CDK12: variants seen among roughly 807,000 people sequenced by gnomAD.
CDK12 encodes cyclin dependent kinase 12.
In CDK12, 17 loss-of-function variants were observed where a neutral mutation model predicts 133.8. The ratio of observed to expected loss-of-function variants is 0.13; its 90% CI spans 0.09 to 0.19. The LOEUF (loss-of-function observed/expected upper bound fraction) is 0.19, where lower values mean the gene tolerates loss of function less well. Ranked by LOEUF, CDK12 falls within the 10% of genes least tolerant of loss-of-function variation. The pLI is 1.00. For synonymous variants in CDK12, 694 were observed against 683.6 expected, an observed-to-expected ratio of 1.02 and a Z score of -0.24; for missense variants, 1,508 against 1,818.7, an observed-to-expected ratio of 0.83 and a Z score of 3.11.
intron 2 of CDK12, among the ~76,000 whole-genome samples, chr17:39,551,403 A>G (rs1430406287): frequency 6.6e-6 from 1 of 152,102 alleles, no homozygotes; most frequent in Non-Finnish European, 1.5e-5. Context: ...ACCATGTCTT[A>G]TAAGATCTAC....
At chr17:39,510,381 A>T (rs148495004) in intron 7 of CDK12, among the ~76,000 whole-genome samples, 413 of 152,098 alleles carry the variant, frequency 2.7e-3, no homozygotes, top group Non-Finnish European at 4.6e-3. Flanking sequence ...AGCTTCTCAG[A>T]GTGCTGGGAT....
In CDK12 at chr17:39,476,711, C is replaced by CTTTTTTTTTTTTTTT. The variant is rs879840168; in HGVS notation, c.1931+4963_1931+4977dup. Among the ~76,000 whole-genome samples the CTTTTTTTTTTTTTTT allele has an allele frequency of 4.9e-3, 410 of 84,482 alleles. 68 individuals carry two copies. The highest frequency in any genetic ancestry group is 5.8e-3 in the African/African-American group (101 of 17,558). 55.4% of individuals were successfully genotyped at this position (84,482 alleles called of 152,430 possible). A position where few individuals can be genotyped will look rare whatever the true frequency, so the allele number is the denominator to read the frequency against. ...TACAGGCATGAGCCACCATGCCTGC[C>CTTTTTTTTTTTTTTT]TTTTTTTTTTTTTTTTTTTTTTTTT... On this transcript the variant is annotated intron_variant, in intron 2 of 13. Coordinates refer to ENST00000447079, the MANE Select transcript of CDK12 (RefSeq NM_016507.4).
At chr17:39,510,599 T>G (rs192475642) in intron 7 of CDK12, among the ~76,000 whole-genome samples, 2 of 28,134 alleles carry the variant, frequency 7.1e-5, no homozygotes, top group East Asian at 5.0e-3. Context: ...TTTTTCTCTC[T>G]TCTCTTCTCT....
chr17:39,531,269 A>C lies in CDK12; in HGVS notation c.4426A>C (p.Thr1476Pro). The C allele has an allele frequency of 6.6e-7, 1 of 1,505,458 alleles. No homozygotes were observed. The highest frequency in any genetic ancestry group is 8.8e-7 in the Non-Finnish European group (1 of 1,130,360). 93.3% of individuals were successfully genotyped at this position (1,505,458 alleles called of 1,614,324 possible). Reference protein sequence around the residue: ...SAYGKLYRGPTRVPPRGGRGR... With the variant: ...SAYGKLYRGPPRVPPRGGRGR... ...TTATGGAAAACTCTATCGGGGGCCTACAAGAGTCCCACCAAGAGGGGGAAG... is the reference window on the plus strand; with the variant it reads ...TTATGGAAAACTCTATCGGGGGCCTCCAAGAGTCCCACCAAGAGGGGGAAG... The change falls in exon 14 of 14, where the codon ACA becomes CCA. Residue 1476 changes from threonine to proline, a missense_variant. Thr to Pro is a conservative substitution (Grantham distance 38). Coordinates refer to ENST00000447079, the MANE Select transcript of CDK12 (RefSeq NM_016507.4).
intron 5 of CDK12, among the ~76,000 whole-genome samples, chr17:39,499,310 C>T (rs1268166597): frequency 4.7e-5 from 7 of 147,866 alleles, no homozygotes; most frequent in Non-Finnish European, 7.4e-5. Context: ...TGGGTTCAAG[C>T]GATTGTCATG....
intron 1 of CDK12, among the ~76,000 whole-genome samples, chr17:39,465,661 G>A (rs1050282789): frequency 6.6e-6 from 1 of 151,852 alleles, no homozygotes; most frequent in Admixed American, 6.6e-5. Context: ...GCTAATTTTT[G>A]TGTTTTTTTA....
chr17:39,490,852 A>G, intron 3 of CDK12, 119 bp downstream of exon 3: 1 of 659,882 alleles, frequency 1.5e-6, no homozygotes, highest in Non-Finnish European at 2.3e-6. Flanking sequence ...GTCCCAAAGT[A>G]TTTTTTAATT....
chr17:39,500,613 G>A (rs1241122827), intron 5 of CDK12, among the ~76,000 whole-genome samples: 1 of 152,106 alleles, frequency 6.6e-6, no homozygotes, highest in Non-Finnish European at 1.5e-5. Flanking sequence ...AGTCTGGGTG[G>A]CAGAGTGAGA....
intron 2 of CDK12, among the ~76,000 whole-genome samples, chr17:39,477,141 C>T (rs2050275413): frequency 6.6e-6 from 1 of 151,970 alleles, no homozygotes; most frequent in Non-Finnish European, 1.5e-5. Context: ...CTGCCTCAGC[C>T]TCCTGAGTAG....
chr17:39,563,607 A>T (rs920954538), intron 3 of CDK12, among the ~76,000 whole-genome samples: 2 of 151,494 alleles, frequency 1.3e-5, no homozygotes, highest in African/African-American at 4.9e-5. Flanking sequence ...CATCTCCTTG[A>T]GCTCTCTGTG....
At chr17:39,566,872 G>A (rs1252364399), downstream of CDK12, 1 of 152,408 alleles carries the variant, frequency 6.6e-6, no homozygotes, top group African/African-American at 2.4e-5. Context: ...CAGCACAAAG[G>A]AGGAAGTAGG....
intron 2 of CDK12, among the ~76,000 whole-genome samples, chr17:39,555,968 A>C (rs548123782): frequency 1.8e-4 from 26 of 145,264 alleles, no homozygotes; most frequent in Non-Finnish European, 3.5e-4. Context: ...TGGGAGGTGG[A>C]GGTTGCAGTA....
At chr17:39,509,623 C>G (rs917012682) in intron 6 of CDK12, 82 bp from the exon 7 acceptor site, 4 of 867,760 alleles carry the variant, frequency 4.6e-6, no homozygotes, top group Non-Finnish European at 7.8e-6. Context: ...TTCCTTTACC[C>G]CTAACTTGGC....
At position 39,503,253 on chromosome 17, in the gene CDK12, A is replaced by G. The variant is rs1261334275; in HGVS notation, c.2609+1814A>G. Among the ~76,000 whole-genome samples the G allele has an allele frequency of 7.9e-5, 12 of 152,198 alleles. 1 individual carries two copies. In the East Asian group the frequency reaches 2.3e-3, roughly 29 times the overall value. The stretch of plus-strand genomic sequence containing the variant: ...ACGCCCAGCTAATTTTTCTATTTTT[A>G]GTAGAGACGGGATTTCACCATATTG... On this transcript the variant is annotated intron_variant, in intron 6 of 13. Coordinates refer to ENST00000447079, the MANE Select transcript of CDK12 (RefSeq NM_016507.4).
intron 1 of CDK12, among the ~76,000 whole-genome samples, chr17:39,465,421 G>T (rs1170518526): frequency 1.3e-5 from 2 of 150,840 alleles, no homozygotes; most frequent in Admixed American, 6.6e-5. Context: ...TTTTGGAGGG[G>T]TGAGGAGTAA....
chr17:39,533,565 A>G lies in CDK12; in HGVS notation c.*2249A>G. 1 of 233,246 alleles carries G rather than the reference A, an allele frequency of 4.3e-6. No individual in the cohort carries two copies. The highest frequency in any genetic ancestry group is 8.5e-6 in the Non-Finnish European group (1 of 117,962). The allele number at this position is 233,246 out of a possible 1,614,324, so 14.4% of individuals were successfully genotyped here. A position where few individuals can be genotyped will look rare whatever the true frequency, so the allele number is the denominator to read the frequency against. On this transcript the variant is annotated 3_prime_UTR_variant, in exon 14 of 14. Transcript: ENST00000447079. ...ATTTCATTGTATTTTGGTTATCAGC[A>G]GTCATCAATAATGTTTTTCCCTCCC...
rs1266975083 is a variant in CDK12 at position 39,480,362 on chromosome 17, G to C, written c.1931+8599G>C. Among the ~76,000 whole-genome samples the C allele has an allele frequency of 2.0e-5, 3 of 149,714 alleles. No individual in the cohort carries two copies. In the East Asian group the frequency reaches 5.9e-4, roughly 29 times the overall value. On this transcript the variant is annotated intron_variant, in intron 2 of 13. Coordinates refer to ENST00000447079, the MANE Select transcript of CDK12 (RefSeq NM_016507.4). ...CACTGTAACCTCCATCTCCATCTCT[G>C]AATCCCAAGTGATTCTCCTGCGTCA...
At chr17:39,517,580 C>T (rs2053891202) in intron 10 of CDK12, 24 bp downstream of exon 10, 1 of 1,394,992 alleles carries the variant, frequency 7.2e-7, no homozygotes, top group Admixed American at 1.7e-5. Context: ...AAATGAACAT[C>T]TCGTTTCTGT....
At chr17:39,464,578 C>A (rs1435863229) in intron 1 of CDK12, among the ~76,000 whole-genome samples, 11 of 151,812 alleles carry the variant, frequency 7.2e-5, no homozygotes, top group Non-Finnish European at 1.5e-4. Context: ...CTTAAAGTTA[C>A]AATTCATAAA....
Sources: allele counts gnomAD v4.1 joint callset (sites outside exome capture counted in the v4.1 genomes callset), GRCh38; gene constraint gnomAD v4.1.1; transcripts MANE v1.5; gene names NCBI Gene and HGNC (gene_info 2026-07-23, HGNC 2026-07-21).